The following GRB10 variants were observed in gnomAD, a reference collection of about 807,000 sequenced individuals.
GRB10 encodes growth factor receptor bound protein 10, also known as growth factor receptor-bound protein 10.
Under a neutral mutation model 80.9 loss-of-function variants are expected in GRB10, and 20 were observed. The observed-to-expected ratio is 0.25, with a 90% CI of 0.17 to 0.36. GRB10 has a LOEUF of 0.36. GRB10 is among the 10% of genes least tolerant of loss of function. GRB10 has a pLI of 1.00. For missense variants in GRB10, 548 were observed against 747.7 expected (o/e 0.73, Z 3.12); for synonymous variants, 291 against 291.5 (o/e 1.00, Z 0.02).
chr7:50,705,434 G>A (rs190912339), intron 4 of GRB10: 8 of 333,744 alleles, frequency 2.4e-5, no homozygotes, highest in South Asian at 2.4e-4. Flanking sequence ...TTTTTTAATC[G>A]CAGATGTAAA....
chr7:50,714,527 G>A (rs1173074514), intron 4 of GRB10, among the ~76,000 whole-genome samples: 2 of 152,038 alleles, frequency 1.3e-5, no homozygotes, highest in Non-Finnish European at 2.9e-5. Flanking sequence ...GACGGGTGTG[G>A]TGGCGGGCGC....
chr7:50,764,315 T>G (rs900573710), intron 2 of GRB10, among the ~76,000 whole-genome samples: 2 of 152,218 alleles, frequency 1.3e-5, no homozygotes, highest in Non-Finnish European at 2.9e-5. Context: ...GGCTTGCTAG[T>G]GCTGTTCTTC....
intron 7 of GRB10, among the ~76,000 whole-genome samples, chr7:50,637,991 C>T (rs75896407): frequency 0.02 from 2,975 of 152,228 alleles, 111 homozygotes; most frequent in African/African-American, 0.068. Flanking sequence ...GGAAAATTGG[C>T]TATCTCTATG....
At chr7:50,752,135 A>G (rs2074213593) in intron 3 of GRB10, among the ~76,000 whole-genome samples, 1 of 152,202 alleles carries the variant, frequency 6.6e-6, no homozygotes, top group Non-Finnish European at 1.5e-5. Context: ...GCCCCACGTG[A>G]GGCAGAAACA....
intron 4 of GRB10, among the ~76,000 whole-genome samples, chr7:50,716,222 C>A (rs1049798804): frequency 1.3e-5 from 2 of 152,210 alleles, no homozygotes; most frequent in African/African-American, 2.4e-5. Flanking sequence ...CACAAGACAG[C>A]CCTCAGAAGG....
intron 7 of GRB10, among the ~76,000 whole-genome samples, chr7:50,627,186 C>T (rs1220915617): frequency 6.6e-6 from 1 of 152,108 alleles, no homozygotes; most frequent in Non-Finnish European, 1.5e-5. Context: ...GGGGGCAGAG[C>T]AGGTAGGATT....
intron 5 of GRB10, among the ~76,000 whole-genome samples, chr7:50,676,851 C>T (rs544408520): frequency 2.0e-5 from 3 of 152,180 alleles, no homozygotes; most frequent in African/African-American, 4.8e-5. Context: ...AGCCAGATCA[C>T]GCTCAAGATC....
chr7:50,660,248 C>A (rs983829081), intron 7 of GRB10, among the ~76,000 whole-genome samples: 1 of 152,168 alleles, frequency 6.6e-6, no homozygotes, highest in African/African-American at 2.4e-5. Context: ...AACTGCGGTG[C>A]CGCATTCAAA....
intron 7 of GRB10, among the ~76,000 whole-genome samples, chr7:50,645,926 C>T (rs2057113485): frequency 6.6e-6 from 1 of 152,132 alleles, no homozygotes; most frequent in Non-Finnish European, 1.5e-5. Context: ...TATGCCTTCC[C>T]ATCGTATTAT....
chr7:50,787,159 G>A (rs1018395073), upstream of GRB10, among the ~76,000 whole-genome samples: 7 of 152,170 alleles, frequency 4.6e-5, no homozygotes, highest in South Asian at 2.1e-4. Flanking sequence ...CAGAAGAGAC[G>A]ATGAAGAGAC....
intron 4 of GRB10, among the ~76,000 whole-genome samples, chr7:50,704,659 A>G (rs1472744899): frequency 6.6e-6 from 1 of 152,242 alleles, no homozygotes; most frequent in Non-Finnish European, 1.5e-5. Flanking sequence ...AGAACTACTA[A>G]TATTAATACA....
chr7:50,590,664 G>A lies in GRB10; in HGVS notation c.*2288C>T. ...TTAAATACAAAAATAAAAGTCAAATGTCCTTCCGTCCCCGGTTTGCGGGAC... is the reference window on the plus strand; with the variant it reads ...TTAAATACAAAAATAAAAGTCAAATATCCTTCCGTCCCCGGTTTGCGGGAC... On this transcript the variant is annotated 3_prime_UTR_variant, in exon 19 of 19. Coordinates refer to ENST00000401949, the MANE Select transcript of GRB10 (RefSeq NM_001350814.2). 6.6e-6 allele frequency: 1 copy of A among 152,606 alleles called. No individual in the cohort carries two copies. The allele number at this position is 152,606 out of a possible 1,614,324, so 9.5% of individuals were successfully genotyped here.
At chr7:50,756,283 T>G (rs1201540158) in intron 2 of GRB10, among the ~76,000 whole-genome samples, 1 of 152,242 alleles carries the variant, frequency 6.6e-6, no homozygotes, top group African/African-American at 2.4e-5. Context: ...GAAGATGCAC[T>G]GGGCTCTACG....
intron 3 of GRB10, among the ~76,000 whole-genome samples, chr7:50,734,787 C>A (rs1047392240): frequency 4.5e-4 from 68 of 152,228 alleles, no homozygotes; most frequent in African/African-American, 1.6e-3. Flanking sequence ...TAGTTAGATA[C>A]AGTAAGAGGG....
chr7:50,616,154 T>C (rs894344022), intron 11 of GRB10, 56 bp downstream of exon 11: 4 of 1,609,628 alleles, frequency 2.5e-6, no homozygotes, highest in East Asian at 2.2e-5. Flanking sequence ...TCTGAGGACC[T>C]GGGGGGAGTG....
In GRB10 at chr7:50,745,502, T is replaced by C. The variant is rs1197460492; in HGVS notation, c.-47+10385A>G. Among the ~76,000 whole-genome samples the C allele has an allele frequency of 2.0e-5, 3 of 152,170 alleles. No homozygotes were observed. In the East Asian group the frequency reaches 5.8e-4, roughly 29 times the overall value. ...GGGGAACAATTGCCATGACAACACA[T>C]TACCAACTATAACCCCCACTGGTCC... On this transcript the variant is annotated intron_variant, in intron 3 of 18. Coordinates refer to ENST00000401949, the MANE Select transcript of GRB10 (RefSeq NM_001350814.2).
intron 10 of GRB10, 108 bp downstream of exon 10, chr7:50,617,963 T>A: frequency 3.2e-6 from 3 of 940,406 alleles, no homozygotes; most frequent in African/African-American, 1.6e-5. Context: ...AGGTTATAAA[T>A]GGTGAAAGAT....
intron 12 of GRB10, 129 bp downstream of exon 12, chr7:50,614,641 T>C: frequency 1.3e-6 from 1 of 769,110 alleles, no homozygotes; most frequent in Non-Finnish European, 2.4e-6. Context: ...CAGGAATGGA[T>C]AAATCCAGTG....
At chr7:50,744,948 A>G (rs1430910307) in intron 3 of GRB10, among the ~76,000 whole-genome samples, 1 of 152,160 alleles carries the variant, frequency 6.6e-6, no homozygotes, top group African/African-American at 2.4e-5. Flanking sequence ...GGCTCCATGT[A>G]TGGTCTGTGT....
Sources: allele counts gnomAD v4.1 joint callset (sites outside exome capture counted in the v4.1 genomes callset), GRCh38; gene constraint gnomAD v4.1.1; transcripts MANE v1.5; gene names NCBI Gene and HGNC (gene_info 2026-07-23, HGNC 2026-07-21).